Variants in SGCD observed in about 807,000 individuals in gnomAD.
The protein encoded by SGCD is delta-sarcoglycan.
In SGCD, 18 loss-of-function variants were observed where a neutral mutation model predicts 36.6. The ratio of observed to expected loss-of-function variants is 0.49; its 90% CI spans 0.34 to 0.73. The LOEUF is 0.73. Ranked by LOEUF, SGCD falls within the 30% of genes least tolerant of loss-of-function variation. SGCD has a pLI of 0.01. For synonymous variants in SGCD, 133 were observed against 130.6 expected (o/e 1.02, Z -0.12); for missense variants, 387 against 346.7 (o/e 1.12, Z -0.92).
At chr5:156,751,172 G>T (rs1428962842) in intron 7 of SGCD, among the ~76,000 whole-genome samples, 2 of 152,084 alleles carry the variant, frequency 1.3e-5, no homozygotes, top group Non-Finnish European at 2.9e-5. Flanking sequence ...TAGACAAATA[G>T]AATAATAGAC....
At chr5:155,746,224 A>G in the SGCD span, among the ~76,000 whole-genome samples, 3 of 152,154 alleles carry the variant, frequency 2.0e-5, no homozygotes, top group African/African-American at 7.2e-5. Context: ...TAATAAGTAA[A>G]TTATGGTATT....
intron 1 of SGCD, among the ~76,000 whole-genome samples, chr5:156,013,926 G>T (rs951520582): frequency 6.7e-6 from 1 of 150,340 alleles, no homozygotes; most frequent in East Asian, 1.9e-4. Context: ...TTGTGTGTAC[G>T]TGTGTTTATT....
intron 3 of SGCD, among the ~76,000 whole-genome samples, chr5:156,163,856 T>C: frequency 6.7e-6 from 1 of 149,922 alleles, no homozygotes; most frequent in South Asian, 2.1e-4. Context: ...CCGTCTCTAC[T>C]AAAAAAAATA....
intron 3 of SGCD, among the ~76,000 whole-genome samples, chr5:156,347,856 A>C (rs1390578235): frequency 6.6e-6 from 1 of 152,232 alleles, no homozygotes; most frequent in Non-Finnish European, 1.5e-5. Flanking sequence ...GTAATAATCT[A>C]TATGAAATCG....
the SGCD span, among the ~76,000 whole-genome samples, chr5:155,805,616 T>C: frequency 1.3e-5 from 2 of 152,212 alleles, no homozygotes; most frequent in African/African-American, 2.4e-5. Context: ...CAAAAATGTC[T>C]CCACTCATCG....
intron 3 of SGCD, among the ~76,000 whole-genome samples, chr5:156,287,873 T>A (rs1766652845): frequency 6.6e-6 from 1 of 152,038 alleles, no homozygotes; most frequent in South Asian, 2.1e-4. Flanking sequence ...CACTCCAGCC[T>A]GAGTGACAAA....
intron 7 of SGCD, among the ~76,000 whole-genome samples, chr5:156,709,287 A>C (rs552377341): frequency 6.6e-6 from 1 of 152,332 alleles, no homozygotes; most frequent in South Asian, 2.1e-4. Flanking sequence ...GTGAGCACAG[A>C]AGTGATCCAG....
At chr5:156,309,122 TC>T (rs1295958872) in intron 3 of SGCD, among the ~76,000 whole-genome samples, 1 of 152,200 alleles carries the variant, frequency 6.6e-6, no homozygotes, top group Non-Finnish European at 1.5e-5. Flanking sequence ...TCTGTGTGTG[TC>T]CTTTGAGGTT....
intron 3 of SGCD, among the ~76,000 whole-genome samples, chr5:156,286,512 A>T (rs553460107): frequency 3.3e-5 from 5 of 152,348 alleles, no homozygotes; most frequent in African/African-American, 9.6e-5. Context: ...GGATGAGTTC[A>T]TGTCCTTTGT....
At chr5:155,758,365 G>C in the SGCD span, among the ~76,000 whole-genome samples, 1 of 152,196 alleles carries the variant, frequency 6.6e-6, no homozygotes, top group Non-Finnish European at 1.5e-5. Context: ...AAACTATTGG[G>C]AAGGGAAGGA....
At chr5:156,020,378 A>G (rs1255559678) in intron 1 of SGCD, among the ~76,000 whole-genome samples, 2 of 152,208 alleles carry the variant, frequency 1.3e-5, no homozygotes, top group African/African-American at 4.8e-5. Context: ...GAAGGGGCTG[A>G]GAATAGGGCT....
intron 7 of SGCD, among the ~76,000 whole-genome samples, chr5:156,667,042 A>G (rs1427989805): frequency 6.6e-6 from 1 of 152,128 alleles, no homozygotes; most frequent in Non-Finnish European, 1.5e-5. Flanking sequence ...AAAATTGAAA[A>G]CTTTTTGAGG....
intron 3 of SGCD, among the ~76,000 whole-genome samples, chr5:156,132,085 G>A (rs982856463): frequency 6.6e-6 from 1 of 152,148 alleles, no homozygotes; most frequent in African/African-American, 2.4e-5. Flanking sequence ...AAATCTCTAT[G>A]CACCTCCAAG....
intron 1 of SGCD, among the ~76,000 whole-genome samples, chr5:155,971,396 C>A (rs144333756): frequency 6.6e-6 from 1 of 152,230 alleles, no homozygotes; most frequent in East Asian, 1.9e-4. Flanking sequence ...ACAGCTCCTA[C>A]TAAAATGCTA....
At chr5:156,716,661 A>G (rs1053585552) in intron 7 of SGCD, among the ~76,000 whole-genome samples, 1 of 152,202 alleles carries the variant, frequency 6.6e-6, no homozygotes, top group East Asian at 1.9e-4. Flanking sequence ...CCAGTTCACT[A>G]TGGTGTTTTC....
intron 7 of SGCD, chr5:156,738,615 C>CAGTT (rs1225567318): frequency 6.6e-6 from 1 of 152,162 alleles, no homozygotes; most frequent in African/African-American, 2.4e-5. Flanking sequence ...CTCTGCGTTC[C>CAGTT]AGTTCTTTGC....
chr5:156,003,824 T>C (rs1158116570), intron 1 of SGCD, among the ~76,000 whole-genome samples: 4 of 152,210 alleles, frequency 2.6e-5, no homozygotes, highest in East Asian at 1.9e-4. Context: ...ATTACTGTTA[T>C]AAGGGAGAGA....
chr5:155,728,055 G>A, the SGCD span, among the ~76,000 whole-genome samples: 36 of 152,158 alleles, frequency 2.4e-4, no homozygotes, highest in Admixed American at 1.6e-3. Context: ...CAAAGGGAGC[G>A]GGGAGCTGGG....
At chr5:156,732,463 G>A (rs1024401146) in intron 7 of SGCD, among the ~76,000 whole-genome samples, 1 of 152,102 alleles carries the variant, frequency 6.6e-6, no homozygotes, top group African/African-American at 2.4e-5. Context: ...TATTTGTGGT[G>A]GATAAGCTTT....
Sources: allele counts gnomAD v4.1 joint callset (sites outside exome capture counted in the v4.1 genomes callset), GRCh38; gene constraint gnomAD v4.1.1; transcripts MANE v1.5; gene names NCBI Gene and HGNC (gene_info 2026-07-23, HGNC 2026-07-21).